Variants in RDX observed in about 807,000 individuals in gnomAD.
RDX encodes radixin, also known as deafness, autosomal recessive 24.
RDX carries 32 observed loss-of-function variants against 83.7 expected under a neutral mutation model. That is an observed-to-expected ratio of 0.38 (90% CI 0.29 to 0.51). The LOEUF is 0.51. RDX is among the 20% of genes least tolerant of loss of function. RDX has a pLI of 0.87. For missense variants in RDX, 600 were observed against 689.9 expected (o/e 0.87, Z 1.46); for synonymous variants, 229 against 222.7 (o/e 1.03, Z -0.25).
intron 6 of RDX, 35 bp from the exon 7 acceptor site, chr11:110,257,948 T>C: frequency 6.3e-7 from 1 of 1,596,664 alleles, no homozygotes; most frequent in Non-Finnish European, 8.6e-7. Flanking sequence ...TATATTTAAG[T>C]AGGAGCATAT....
chr11:110,272,853 A>T, intron 2 of RDX: 1 of 535,540 alleles, frequency 1.9e-6, no homozygotes, highest in Middle Eastern at 2.9e-4. Context: ...CCCTTGCTAT[A>T]ATACTAGGAG....
chr11:110,193,529 A>T (rs1863142902), intron 15 of RDX, among the ~76,000 whole-genome samples: 1 of 121,082 alleles, frequency 8.3e-6, no homozygotes, highest in Admixed American at 7.8e-5. Context: ...ATAAATCTTG[A>T]AATTACAAAA....
intron 3 of RDX, among the ~76,000 whole-genome samples, chr11:110,270,293 CA>C (rs1472084872): frequency 1.3e-5 from 2 of 152,126 alleles, no homozygotes; most frequent in African/African-American, 4.8e-5. Context: ...TCCTAGGCTA[CA>C]AACTTGTACA....
chr11:110,279,256 T>C (rs1055317886), intron 2 of RDX, among the ~76,000 whole-genome samples: 17 of 152,198 alleles, frequency 1.1e-4, no homozygotes, highest in African/African-American at 3.9e-4. Flanking sequence ...TCACCCAGAT[T>C]GGTGGCAGAA....
intron 5 of RDX, among the ~76,000 whole-genome samples, chr11:110,261,850 A>G (rs1008685952): frequency 6.6e-6 from 1 of 152,182 alleles, no homozygotes; most frequent in African/African-American, 2.4e-5. Context: ...CCCATATTTA[A>G]AATAAACTGT....
rs1416101679 is a variant in RDX, at chr11:110,282,620, T to C, written c.-64-2864A>G. Among the ~76,000 whole-genome samples, 5 of 152,174 alleles carry C rather than the reference T, an allele frequency of 3.3e-5. No homozygotes were observed. In the East Asian group the frequency reaches 5.8e-4, roughly 18 times the overall value. ...CACAATGCAGCCTATCAAAATGTTA[T>C]AGAAAAATACTAAATGACATAGGAA... is the stretch of plus-strand genomic sequence containing the variant. On this transcript the variant is annotated intron_variant, in intron 1 of 13. Transcript: ENST00000645495.
intron 2 of RDX, among the ~76,000 whole-genome samples, chr11:110,275,054 C>A (rs528237222): frequency 9.4e-4 from 143 of 152,260 alleles, no homozygotes; most frequent in African/African-American, 3.3e-3. Flanking sequence ...TTCTGTATTT[C>A]CAGGAACAGT....
At chr11:110,203,889 T>C (rs1863505394) in intron 14 of RDX, among the ~76,000 whole-genome samples, 1 of 152,130 alleles carries the variant, frequency 6.6e-6, no homozygotes, top group South Asian at 2.1e-4. Flanking sequence ...AAAAGTCATA[T>C]ACTAAAAATT....
chr11:110,274,751 T>C (rs911423893), intron 2 of RDX, among the ~76,000 whole-genome samples: 1 of 152,242 alleles, frequency 6.6e-6, no homozygotes. Flanking sequence ...TTCATTGATG[T>C]TTTTGTAACT....
At chr11:110,181,009 C>T (rs905658732) in intron 15 of RDX, among the ~76,000 whole-genome samples, 3 of 152,050 alleles carry the variant, frequency 2.0e-5, no homozygotes, top group Non-Finnish European at 4.4e-5. Flanking sequence ...TTGTTTGCTC[C>T]GTTCACATAT....
rs746106701 is a variant in RDX, at chr11:110,263,991, A to G, written c.436T>C (p.Tyr146His). ...GGTAGGAGTCTATCATTAGCCAGGTAGCCTGGCTTATGAATCTCTTTATTG... is the reference window on the plus strand; with the variant it reads ...GGTAGGAGTCTATCATTAGCCAGGTGGCCTGGCTTATGAATCTCTTTATTG... ...DYNKEIHKPGYLANDRLLPQR... is the reference protein window; with the variant it reads ...DYNKEIHKPGHLANDRLLPQR... Residue 146 changes from tyrosine (Y) to histidine (H), a missense_variant, in exon 5 of 14, where the codon TAC becomes CAC. Coordinates refer to ENST00000645495, the MANE Select transcript of RDX (RefSeq NM_002906.4). 19 of 1,612,924 alleles carry G rather than the reference A, an allele frequency of 1.2e-5. No homozygotes were observed. The South Asian group carries it at 2.0e-4, about 17-fold the overall frequency.
intron 1 of RDX, among the ~76,000 whole-genome samples, chr11:110,280,838 A>T (rs1860732066): frequency 6.6e-6 from 1 of 152,124 alleles, no homozygotes; most frequent in Non-Finnish European, 1.5e-5. Flanking sequence ...AAAAACAAAC[A>T]AACAAAAAAA....
At chr11:110,191,854 CAAAAT>C (rs1019331588) in intron 15 of RDX, among the ~76,000 whole-genome samples, 2 of 151,670 alleles carry the variant, frequency 1.3e-5, no homozygotes, top group African/African-American at 4.8e-5. Context: ...GACTCTGTCT[CAAAAT>C]AAAACAAAAA....
chr11:110,180,007 T>C, intron 15 of RDX: 1 of 334,442 alleles, frequency 3.0e-6, no homozygotes, highest in African/African-American at 2.2e-5. Flanking sequence ...GTTCAAGCGA[T>C]TCTCCTGCCT....
intron 15 of RDX, among the ~76,000 whole-genome samples, chr11:110,198,927 T>A (rs993830956): frequency 1.3e-5 from 2 of 152,108 alleles, no homozygotes; most frequent in Non-Finnish European, 2.9e-5. Flanking sequence ...GCAATTCTTC[T>A]GCCTTAGCCT....
In RDX at chr11:110,235,490, C is replaced by A. The variant is rs189596544; in HGVS notation, c.1344+609G>T. The stretch of plus-strand genomic sequence containing the variant: ...CTTTATCTCTTAAGTATCCACTATC[C>A]CAATCCTTTCTTCACACTGATCACT... On this transcript the variant is annotated intron_variant, in intron 12 of 13. Coordinates refer to ENST00000645495, the MANE Select transcript of RDX (RefSeq NM_002906.4). 3.9e-5 allele frequency among the ~76,000 whole-genome samples: 6 copies of A among 152,228 alleles called. No homozygotes were observed. The East Asian group carries it at 1.2e-3, about 29-fold the overall frequency.
chr11:110,213,297 T>C (rs1863908461), intron 14 of RDX, among the ~76,000 whole-genome samples: 1 of 120,118 alleles, frequency 8.3e-6, no homozygotes, highest in African/African-American at 3.3e-5. Context: ...GTGAAGGACC[T>C]CTTCAAGGAG....
At chr11:110,281,329 T>A (rs548221436) in intron 1 of RDX, among the ~76,000 whole-genome samples, 1 of 151,974 alleles carries the variant, frequency 6.6e-6, no homozygotes, top group African/African-American at 2.4e-5. Flanking sequence ...GAGATTTTTT[T>A]TTTTTTTTTG....
chr11:110,194,412 G>A (rs1410043964), intron 15 of RDX, among the ~76,000 whole-genome samples: 2 of 152,186 alleles, frequency 1.3e-5, no homozygotes, highest in Non-Finnish European at 2.9e-5. Context: ...TAGAGACGGG[G>A]TTTTGCCATG....
Sources: gnomAD v4.1 joint callset for allele counts (sites outside exome capture counted in the v4.1 genomes callset) on GRCh38, gnomAD v4.1.1 for gene constraint, MANE v1.5 for transcripts, NCBI Gene and HGNC (gene_info 2026-07-23, HGNC 2026-07-21) for gene names.